The following CHD9 variants were observed in gnomAD, a reference collection of about 807,000 sequenced individuals.
CHD9 encodes chromodomain helicase DNA binding protein 9.
A neutral mutation model predicts 316.1 loss-of-function variants in CHD9; 77 were observed. The observed-to-expected ratio is 0.24, with a 90% CI of 0.20 to 0.29. The LOEUF (loss-of-function observed/expected upper bound fraction) is 0.29. CHD9 is among the 10% of genes least tolerant of loss of function. CHD9 has a pLI of 1.00. For missense variants in CHD9, 2,763 were observed against 3,438.1 expected, an observed-to-expected ratio of 0.80 and a Z score of 4.91; for synonymous variants, 1,129 against 1,158.3, an observed-to-expected ratio of 0.97 and a Z score of 0.51.
At chr16:53,229,304 G>A (rs2047959250) in intron 8 of CHD9, among the ~76,000 whole-genome samples, 1 of 152,172 alleles carries the variant, frequency 6.6e-6, no homozygotes, top group African/African-American at 2.4e-5. Flanking sequence ...CAGAATGGTA[G>A]ATCATGCTTG....
At chr16:53,209,903 T>G in intron 3 of CHD9, 90 bp downstream of exon 3, 1 of 885,666 alleles carries the variant, frequency 1.1e-6, no homozygotes, top group Non-Finnish European at 1.7e-6. Context: ...TGAGTATATT[T>G]ACTCCCATAT....
chr16:53,157,391 T>G lies in CHD9; in HGVS notation c.1302T>G (p.His434Gln). The change falls in exon 2 of 39, where the codon CAT (histidine) becomes CAG (glutamine). Residue 434 changes from histidine (H) to glutamine (Q), a missense_variant. By Grantham distance (24) the His-to-Gln change is conservative. Around this residue, in one of 15 missense-constraint regions of CHD9, gnomAD observed 859 missense variants for 890.4 expected, o/e 0.96. Transcript: ENST00000447540. ...ATAATTCAAGTCACATTTTAGATCA[T>G]GACCTTGATCGGCAGTTTACTTCGC... The part of the protein sequence containing the change: ...GQDNSSHILD[H>Q]DLDRQFTSHL... 1 of 1,614,002 alleles carries G rather than the reference T, an allele frequency of 6.2e-7. No homozygotes were observed.
chr16:53,103,403 T>C (rs961955309), intron 1 of CHD9, among the ~76,000 whole-genome samples: 4 of 152,184 alleles, frequency 2.6e-5, no homozygotes, highest in African/African-American at 9.6e-5. Flanking sequence ...GTTTGATGAA[T>C]GAGCAAATCA....
intron 24 of CHD9, among the ~76,000 whole-genome samples, chr16:53,283,463 C>G (rs979493483): frequency 2.0e-5 from 3 of 152,170 alleles, no homozygotes; most frequent in African/African-American, 7.2e-5. Flanking sequence ...TTGCCTTTTC[C>G]TCTTTACAAG....
chr16:53,170,773 G>A (rs2152779453), intron 2 of CHD9, among the ~76,000 whole-genome samples: 1 of 151,894 alleles, frequency 6.6e-6, no homozygotes, highest in Non-Finnish European at 1.5e-5. Context: ...TTTTTAGGTT[G>A]GACACAAATT....
At chr16:53,151,443 A>G (rs571002673) in intron 1 of CHD9, among the ~76,000 whole-genome samples, 58 of 151,860 alleles carry the variant, frequency 3.8e-4, no homozygotes, top group African/African-American at 1.4e-3. Flanking sequence ...TTTAGTAGAG[A>G]TGGGGTTTCA....
At chr16:53,272,949 C>T (rs1378714968) in intron 22 of CHD9, among the ~76,000 whole-genome samples, 1 of 151,984 alleles carries the variant, frequency 6.6e-6, no homozygotes, top group African/African-American at 2.4e-5. Context: ...GTTAGCCAGG[C>T]GTGGTGGCGC....
intron 1 of CHD9, among the ~76,000 whole-genome samples, chr16:53,134,390 T>G (rs2039564835): frequency 1.3e-5 from 2 of 152,236 alleles, no homozygotes; most frequent in South Asian, 2.1e-4. Flanking sequence ...CGTTGTAAAT[T>G]TAAAGTGCCA....
chr16:53,214,294 CAT>C (rs1258715252), intron 3 of CHD9, among the ~76,000 whole-genome samples: 1 of 151,920 alleles, frequency 6.6e-6, no homozygotes, highest in Non-Finnish European at 1.5e-5. Context: ...AAAAATAAGA[CAT>C]ATCATTAGAA....
At chr16:53,219,350 A>T (rs1333353759) in intron 3 of CHD9, among the ~76,000 whole-genome samples, 2 of 152,210 alleles carry the variant, frequency 1.3e-5, no homozygotes, top group Non-Finnish European at 2.9e-5. Context: ...GAGGATCTTT[A>T]ACTTCTAGGT....
chr16:53,197,577 T>C (rs1442469495), intron 2 of CHD9, among the ~76,000 whole-genome samples: 1 of 152,184 alleles, frequency 6.6e-6, no homozygotes, highest in Non-Finnish European at 1.5e-5. Context: ...TTAACACTTT[T>C]TTGTAGTATC....
At chr16:53,237,880 A>G (rs1474423853) in intron 11 of CHD9, among the ~76,000 whole-genome samples, 2 of 152,026 alleles carry the variant, frequency 1.3e-5, no homozygotes, top group Non-Finnish European at 2.9e-5. Flanking sequence ...TGCAGCCACA[A>G]TTGAAAACCA....
intron 1 of CHD9, chr16:53,131,070 C>CGCT: frequency 7.3e-5 from 1 of 13,786 alleles, no homozygotes; most frequent in Non-Finnish European, 1.6e-4. Context: ...TAAGTGCCGC[C>CGCT]GCCGCCGCCG....
At chr16:53,133,446 GA>G (rs112447129) in intron 1 of CHD9, among the ~76,000 whole-genome samples, 11 of 149,946 alleles carry the variant, frequency 7.3e-5, no homozygotes, top group East Asian at 2.0e-4. Context: ...TCTCTATTAA[GA>G]AAAAAAAAAT....
At chr16:53,209,280 C>T (rs1167397693) in intron 2 of CHD9, among the ~76,000 whole-genome samples, 1 of 152,142 alleles carries the variant, frequency 6.6e-6, no homozygotes, top group African/African-American at 2.4e-5. Flanking sequence ...CTTTAACCTT[C>T]ATTTTTAAAA....
chr16:53,319,616 A>G, intron 37 of CHD9, among the ~76,000 whole-genome samples: 1 of 152,204 alleles, frequency 6.6e-6, no homozygotes, highest in Non-Finnish European at 1.5e-5. Flanking sequence ...TCTTATACCA[A>G]AAATTCACAT....
chr16:53,220,798 G>T (rs2047171705), intron 3 of CHD9, among the ~76,000 whole-genome samples: 1 of 152,022 alleles, frequency 6.6e-6, no homozygotes, highest in South Asian at 2.1e-4. Flanking sequence ...CTCCTTCTGG[G>T]GTACTCTGTG....
chr16:53,305,663 C>T (rs906926500), intron 31 of CHD9, among the ~76,000 whole-genome samples: 1 of 152,176 alleles, frequency 6.6e-6, no homozygotes, highest in African/African-American at 2.4e-5. Context: ...TGCTTGTCAG[C>T]AGAACAGTGT....
chr16:53,276,572 C>T (rs1011666152), intron 24 of CHD9, among the ~76,000 whole-genome samples: 1 of 152,250 alleles, frequency 6.6e-6, no homozygotes, highest in African/African-American at 2.4e-5. Context: ...CCACCTATTC[C>T]TTCAAGATAC....
Sources: gnomAD v4.1 joint callset for allele counts (sites outside exome capture counted in the v4.1 genomes callset) on GRCh38, gnomAD v4.1.1 for gene constraint, gnomAD v4.1.1 regional missense constraint, MANE v1.5 for transcripts, NCBI Gene and HGNC (gene_info 2026-07-23, HGNC 2026-07-21) for gene names.